The following VPS13D variants were observed in gnomAD, a reference collection of about 807,000 sequenced individuals.
The protein encoded by VPS13D is vacuolar protein sorting 13 homolog D.
A neutral mutation model predicts 461.9 loss-of-function variants in VPS13D; 187 were observed. That is an observed-to-expected ratio of 0.40 (90% CI 0.36 to 0.46). The LOEUF (loss-of-function observed/expected upper bound fraction) is 0.46, where lower values mean the gene tolerates loss of function less well. Ranked by LOEUF, VPS13D falls within the 20% of genes least tolerant of loss-of-function variation. VPS13D has a pLI of 0.60. For missense variants in VPS13D, 4,711 were observed against 5,364.9 expected, an observed-to-expected ratio of 0.88 and a Z score of 3.81; for synonymous variants, 1,951 against 1,986.3, an observed-to-expected ratio of 0.98 and a Z score of 0.47.
intron 67 of VPS13D, among the ~76,000 whole-genome samples, chr1:12,470,231 G>A (rs1382095858): frequency 6.6e-6 from 1 of 152,238 alleles, no homozygotes; most frequent in East Asian, 1.9e-4. Context: ...TGAGGAGTAT[G>A]GGTCACAGGA....
Position 12,369,478 on chromosome 1 carries a change from C to CAG in VPS13D, c.10584_10585insAG (p.Phe3529SerfsTer7). The stretch of plus-strand genomic sequence containing the variant: ...TGCCATCACTCTAGGTCCCGGTTGT[C>CAG]TTTACTCAGCATGGCGTAGCTGAAC... On this transcript the variant is annotated frameshift_variant, in exon 54 of 70. Transcript: ENST00000620676. LOFTEE classifies it high-confidence loss of function. The CAG allele has an allele frequency of 6.2e-7, 1 of 1,614,120 alleles. No individual in the cohort carries two copies. Among genetic ancestry groups the CAG allele is most frequent in the Non-Finnish European group, 8.5e-7 (1 of 1,180,022 alleles).
intron 5 of VPS13D, among the ~76,000 whole-genome samples, chr1:12,248,716 A>G: frequency 6.6e-6 from 1 of 152,208 alleles, no homozygotes; most frequent in Non-Finnish European, 1.5e-5. Context: ...GGCTAGGGGA[A>G]ATACATATAT....
In VPS13D at chr1:12,368,536, C is replaced by T. The variant is rs772014425; in HGVS notation, c.10517C>T (p.Ser3506Leu). Reference sequence around the variant, plus strand: ...CTCCGAGGAGCTACGTATAGGATCTCATTTAGTGACACAGATCAGTTACCT... The same window carrying T: ...CTCCGAGGAGCTACGTATAGGATCTTATTTAGTGACACAGATCAGTTACCT... ...ITLRGATYRI[S>L]FSDTDQLPPP... Residue 3506 changes from serine to leucine, a missense_variant, in exon 53 of 70, where the codon TCA becomes TTA. Transcript: ENST00000620676. The T allele has an allele frequency of 1.9e-6, 3 of 1,613,968 alleles. No individual in the cohort carries two copies. The highest frequency in any genetic ancestry group is 2.2e-5 in the East Asian group (1 of 44,868).
chr1:12,242,802 C>G (rs145674207), intron 3 of VPS13D, among the ~76,000 whole-genome samples: 1 of 152,168 alleles, frequency 6.6e-6, no homozygotes, highest in East Asian at 1.9e-4. Context: ...ATACCCGGAC[C>G]GACTGAATCA....
intron 34 of VPS13D, 126 bp from the exon 35 acceptor site, chr1:12,323,580 T>G: frequency 1.1e-6 from 1 of 877,180 alleles, no homozygotes; most frequent in Non-Finnish European, 1.7e-6. Flanking sequence ...GGAGTCCAGT[T>G]TTGCTTAGAG....
chr1:12,306,901 C>T (rs1557698687), intron 26 of VPS13D, among the ~76,000 whole-genome samples: 1 of 152,206 alleles, frequency 6.6e-6, no homozygotes, highest in Admixed American at 6.5e-5. Flanking sequence ...TCTAATCCCA[C>T]CGCTGATCTG....
chr1:12,452,212 AT>A (rs1204870102), intron 65 of VPS13D, among the ~76,000 whole-genome samples: 14 of 152,298 alleles, frequency 9.2e-5, no homozygotes, highest in Admixed American at 8.5e-4. Context: ...TGTGTAGTGG[AT>A]TTGTACTTGC....
In VPS13D at chr1:12,386,267, G is replaced by A. The variant is rs759467503; in HGVS notation, c.11567G>A (p.Gly3856Glu). Residue 3856 changes from glycine (G) to glutamate (E), a missense_variant, in exon 60 of 70, where the codon GGA becomes GAA. By Grantham distance (98) the Gly-to-Glu change is moderately conservative (BLOSUM62 -2). Transcript: ENST00000620676. ...GAACTGGTCTTTGCAAGTCTTACAG[G>A]AATCAATGTGCACTATACACAGCTG... ...PEELVFASLTGINVHYTQLAT... is the reference protein window; with the variant it reads ...PEELVFASLTEINVHYTQLAT... 7 of 1,613,566 alleles carry A rather than the reference G, an allele frequency of 4.3e-6. No homozygotes were observed. In the South Asian group the frequency reaches 6.6e-5, roughly 15 times the overall value.
intron 58 of VPS13D, among the ~76,000 whole-genome samples, chr1:12,383,436 GTGT>G (rs1031845040): frequency 1.3e-5 from 2 of 151,980 alleles, no homozygotes; most frequent in African/African-American, 4.8e-5. Flanking sequence ...CATATTAATA[GTGT>G]TGTTAATTAT....
At position 12,506,972 on chromosome 1, in the gene VPS13D, A is replaced by G; in HGVS notation, c.12914A>G (p.Asp4305Gly). The change falls in exon 69 of 70, where the codon GAT becomes GGT. Residue 4305 changes from aspartate to glycine, a missense_variant. Asp to Gly is a moderately conservative substitution (Grantham distance 94, BLOSUM62 -1). Coordinates refer to ENST00000620676, the MANE Select transcript of VPS13D (RefSeq NM_015378.4). Reference sequence around the variant, plus strand: ...GCCATTTTCCTAGAAGTCAAATACGATGACCTCTACCACTGCCTTGTCTCC... The same window carrying G: ...GCCATTTTCCTAGAAGTCAAATACGGTGACCTCTACCACTGCCTTGTCTCC... ...REAIFLEVKY[D>G]DLYHCLVSKD... The G allele has an allele frequency of 6.2e-7, 1 of 1,614,262 alleles. No homozygotes were observed. The highest frequency in any genetic ancestry group is 8.5e-7 in the Non-Finnish European group (1 of 1,180,048).
At chr1:12,374,744 T>G (rs746586486) in intron 55 of VPS13D, among the ~76,000 whole-genome samples, 15 of 152,182 alleles carry the variant, frequency 9.9e-5, no homozygotes, top group Non-Finnish European at 1.9e-4. Context: ...ATGTATGTAT[T>G]TATTTATTTT....
chr1:12,491,260 A>G (rs918666614), intron 67 of VPS13D, among the ~76,000 whole-genome samples: 9 of 152,264 alleles, frequency 5.9e-5, no homozygotes, highest in Non-Finnish European at 7.3e-5. Context: ...CTATGATGCT[A>G]ACGTCACATG....
At chr1:12,264,340 A>G (rs1256222268) in intron 13 of VPS13D, among the ~76,000 whole-genome samples, 1 of 152,272 alleles carries the variant, frequency 6.6e-6, no homozygotes, top group Non-Finnish European at 1.5e-5. Context: ...GCTAAACGTG[A>G]TTAAGCTTAG....
rs891257905 is a variant in VPS13D at position 12,511,566 on chromosome 1, C to T, written c.*2542C>T. 6 of 152,250 alleles carry T rather than the reference C, an allele frequency of 3.9e-5. No individual in the cohort carries two copies. The highest frequency in any genetic ancestry group is 1.2e-4 in the African/African-American group (5 of 41,470). 9.4% of individuals were successfully genotyped at this position (152,250 alleles called of 1,614,324 possible). ...ACTGCTTTTCTTTCTGCTTCAAACA[C>T]ACAGTTCGTCTCTGAGGAAAGTAAA... On this transcript the variant is annotated 3_prime_UTR_variant, in exon 70 of 70. Coordinates refer to ENST00000620676, the MANE Select transcript of VPS13D (RefSeq NM_015378.4). This position sits in a 1 kb window ranked among gnomAD's most constrained non-coding sequence, Gnocchi z 4.5.
At chr1:12,272,947 T>C (rs1641495849) in intron 17 of VPS13D, 56 bp from the exon 18 acceptor site, 2 of 1,585,596 alleles carry the variant, frequency 1.3e-6, no homozygotes, top group Non-Finnish European at 8.6e-7. Context: ...TTGAGCACCA[T>C]GGATAAAGCT....
intron 13 of VPS13D, among the ~76,000 whole-genome samples, chr1:12,262,790 G>A (rs1641151545): frequency 6.6e-6 from 1 of 151,168 alleles, no homozygotes; most frequent in Admixed American, 6.6e-5. Context: ...TGCAACCTCT[G>A]CCTCTTGGGT....
intron 67 of VPS13D, among the ~76,000 whole-genome samples, chr1:12,491,043 C>G (rs1039006409): frequency 2.6e-5 from 4 of 152,332 alleles, no homozygotes; most frequent in East Asian, 3.9e-4. Flanking sequence ...ACCCTGGTAT[C>G]TTGTAGCTGT....
intron 24 of VPS13D, among the ~76,000 whole-genome samples, chr1:12,296,657 G>GT (rs751969061): frequency 1.3e-4 from 20 of 151,042 alleles, no homozygotes; most frequent in Admixed American, 1.2e-3. Context: ...CAGAAGTGAA[G>GT]TTTTTTTTTC....
intron 44 of VPS13D, among the ~76,000 whole-genome samples, chr1:12,348,390 A>C (rs1643722419): frequency 6.6e-6 from 1 of 152,238 alleles, no homozygotes; most frequent in African/African-American, 2.4e-5. Context: ...GTAGAGTAGA[A>C]GACAAGCCTT....
Sources: gnomAD v4.1 joint callset for allele counts (sites outside exome capture counted in the v4.1 genomes callset) on GRCh38, gnomAD v4.1.1 for gene constraint, Gnocchi (gnomAD v3.1) non-coding constraint, MANE v1.5 for transcripts, NCBI Gene and HGNC (gene_info 2026-07-23, HGNC 2026-07-21) for gene names.